Variants in CCNYL1 observed in about 807,000 individuals in gnomAD.
CCNYL1 encodes cyclin-Y-like protein 1.
In CCNYL1, 16 loss-of-function variants were observed where a neutral mutation model predicts 44.2. That is an observed-to-expected ratio of 0.36 (90% CI 0.25 to 0.55). CCNYL1 has a LOEUF of 0.55. Among genes scored for constraint, CCNYL1 ranks in the 20% least tolerant of loss-of-function variants. CCNYL1 has a pLI of 0.85. For synonymous variants in CCNYL1, 159 were observed against 163.2 expected (o/e 0.97, Z 0.20); for missense variants, 348 against 451.8 (o/e 0.77, Z 2.08).
At chr2:207,752,184 A>G (rs939231208) in intron 9 of CCNYL1, among the ~76,000 whole-genome samples, 1 of 152,148 alleles carries the variant, frequency 6.6e-6, no homozygotes. Flanking sequence ...TTTTTAGACA[A>G]AGGATTAGTG....
At chr2:207,714,391 G>T (rs1324931768) in intron 1 of CCNYL1, 1 of 416,774 alleles carries the variant, frequency 2.4e-6, no homozygotes, top group East Asian at 7.3e-5. Flanking sequence ...TCCTGGCCTG[G>T]GCTCAAGCAG....
At chr2:207,736,142 G>T (rs560521871) in intron 4 of CCNYL1, among the ~76,000 whole-genome samples, 11 of 152,284 alleles carry the variant, frequency 7.2e-5, no homozygotes, top group African/African-American at 9.6e-5. Context: ...GTCATGTAAG[G>T]TTCCGTGGTC....
chr2:207,746,441 A>T (rs569909210), intron 7 of CCNYL1, among the ~76,000 whole-genome samples: 1 of 152,312 alleles, frequency 6.6e-6, no homozygotes, highest in African/African-American at 2.4e-5. Flanking sequence ...GAACAACTCT[A>T]TTATGGGTGT....
Position 207,729,142 on chromosome 2 carries a change from C to G in CCNYL1, c.330+2266C>G, listed in dbSNP as rs529812482. 2.2e-4 allele frequency among the ~76,000 whole-genome samples: 34 copies of G among 151,996 alleles called. 1 individual carries two copies. In the South Asian group the frequency reaches 4.8e-3, roughly 21 times the overall value. On this transcript the variant is annotated intron_variant, in intron 3 of 9. Transcript: ENST00000295414. ...GGACCAATAAGTCTGTAGACTATGT[C>G]TTCTAGAGAATTTTGTTTTCTTTGT...
At chr2:207,748,688 T>G (rs2091872107) in intron 8 of CCNYL1, among the ~76,000 whole-genome samples, 1 of 152,226 alleles carries the variant, frequency 6.6e-6, no homozygotes, top group Admixed American at 6.5e-5. Flanking sequence ...TCCATATGAC[T>G]GTCATTCAGA....
chr2:207,716,645 A>C (rs1037490780), intron 1 of CCNYL1, among the ~76,000 whole-genome samples: 1 of 152,006 alleles, frequency 6.6e-6, no homozygotes, highest in African/African-American at 2.4e-5. Context: ...TTATTTACCT[A>C]TCCTTTATGA....
chr2:207,750,874 GTC>G (rs1008520149), intron 8 of CCNYL1, 81 bp from the exon 9 acceptor site: 29 of 1,169,164 alleles, frequency 2.5e-5, no homozygotes, highest in Non-Finnish European at 3.5e-5. Flanking sequence ...AGCCATTCTA[GTC>G]TCTTAGAATG....
rs1559175272 is a variant in CCNYL1 at position 207,754,459 on chromosome 2, A to AAAAG, written c.*763_*766dup. The AAAAG allele has an allele frequency of 6.5e-6, 1 of 152,672 alleles. No homozygotes were observed. 9.5% of individuals were successfully genotyped at this position (152,672 alleles called of 1,614,324 possible). ...TTTTCTCTTGCTAAATAAATGTATT[A>AAAAG]AAAGATATTTTCATAATGCCAACCA... is the stretch of plus-strand genomic sequence containing the variant. On this transcript the variant is annotated 3_prime_UTR_variant, in exon 10 of 10. Transcript: ENST00000295414.
At chr2:207,741,977 C>T (rs906564208) in intron 6 of CCNYL1, among the ~76,000 whole-genome samples, 3 of 151,562 alleles carry the variant, frequency 2.0e-5, no homozygotes, top group Admixed American at 1.3e-4. Flanking sequence ...ATGTTGAAAC[C>T]CCGTCTCTAC....
At chr2:207,723,251 A>G (rs564212925) in intron 1 of CCNYL1, among the ~76,000 whole-genome samples, 2 of 152,304 alleles carry the variant, frequency 1.3e-5, no homozygotes, top group Admixed American at 6.5e-5. Flanking sequence ...GATGATTCAT[A>G]ATTCATTTTA....
intron 3 of CCNYL1, among the ~76,000 whole-genome samples, chr2:207,732,380 G>T (rs1201065685): frequency 2.0e-5 from 3 of 152,194 alleles, no homozygotes; most frequent in Non-Finnish European, 4.4e-5. Flanking sequence ...AGTGACTGCA[G>T]TAAAAACATC....
At chr2:207,727,116 T>A (rs1008099546) in intron 3 of CCNYL1, among the ~76,000 whole-genome samples, 21 of 152,216 alleles carry the variant, frequency 1.4e-4, no homozygotes, top group African/African-American at 4.8e-4. Flanking sequence ...GGTTGTGGTA[T>A]AAATATCTGC....
chr2:207,732,855 G>T (rs914952495), intron 3 of CCNYL1, among the ~76,000 whole-genome samples: 1 of 152,186 alleles, frequency 6.6e-6, no homozygotes, highest in Admixed American at 6.5e-5. Flanking sequence ...GCTAATTTGT[G>T]TGTAGTAGCA....
At chr2:207,723,423 A>G (rs531628642) in intron 1 of CCNYL1, among the ~76,000 whole-genome samples, 1 of 152,364 alleles carries the variant, frequency 6.6e-6, no homozygotes, top group East Asian at 1.9e-4. Context: ...TGATTTTGTA[A>G]GAGCCAGGGA....
chr2:207,712,009 G>C lies in CCNYL1; in HGVS notation c.113G>C (p.Gly38Ala), dbSNP rs754805057. Residue 38 changes from glycine (G) to alanine (A), a missense_variant, in exon 1 of 10, where the codon GGG becomes GCG. By Grantham distance (60) the Gly-to-Ala change is moderately conservative. Around this residue, in one of 3 missense-constraint regions of CCNYL1, gnomAD observed 209 missense variants for 247.7 expected, o/e 0.84. Transcript: ENST00000295414. ...TCCGACATCTACGAGGCGGTGTCCGGGGACGCGGTGGCGGTAGCGCCCGCT... is the reference window on the plus strand; with the variant it reads ...TCCGACATCTACGAGGCGGTGTCCGCGGACGCGGTGGCGGTAGCGCCCGCT... ...CASDIYEAVS[G>A]DAVAVAPAVV... 1.3e-6 allele frequency: 2 copies of C among 1,481,798 alleles called. No homozygotes were observed. The highest frequency in any genetic ancestry group is 1.8e-6 in the Non-Finnish European group (2 of 1,115,404). 91.8% of individuals were successfully genotyped at this position (1,481,798 alleles called of 1,614,324 possible).
intron 2 of CCNYL1, among the ~76,000 whole-genome samples, chr2:207,726,337 G>A (rs751803461): frequency 3.9e-5 from 6 of 152,140 alleles, no homozygotes; most frequent in Non-Finnish European, 5.9e-5. Flanking sequence ...GTAAAGACCC[G>A]TTTATTTTTT....
intron 8 of CCNYL1, 98 bp downstream of exon 8, chr2:207,747,311 T>C: frequency 9.4e-7 from 1 of 1,059,526 alleles, no homozygotes. Context: ...GGTTACATTA[T>C]GCAGATAATG....
intron 1 of CCNYL1, 149 bp downstream of exon 1, chr2:207,712,265 C>G (rs2091555106): frequency 1.6e-6 from 1 of 612,774 alleles, no homozygotes; most frequent in African/African-American, 2.0e-5. Context: ...GCGTCCCCAC[C>G]CCTTATTCTT....
intron 1 of CCNYL1, among the ~76,000 whole-genome samples, chr2:207,717,251 A>C (rs2091604192): frequency 6.6e-6 from 1 of 152,174 alleles, no homozygotes; most frequent in Non-Finnish European, 1.5e-5. Flanking sequence ...CCACTTTAAA[A>C]GATTTGATGC....
Sources: allele counts gnomAD v4.1 joint callset (sites outside exome capture counted in the v4.1 genomes callset), GRCh38; gene constraint gnomAD v4.1.1; regional missense constraint gnomAD v4.1.1; transcripts MANE v1.5; gene names NCBI Gene and HGNC (gene_info 2026-07-23, HGNC 2026-07-21).